ZNF131: variants seen among roughly 807,000 people sequenced by gnomAD.
ZNF131 encodes zinc finger protein 131.
In ZNF131, 7 loss-of-function variants were observed where a neutral mutation model predicts 60.0. That is an observed-to-expected ratio of 0.12 (90% confidence interval 0.07 to 0.22). ZNF131 has a LOEUF of 0.22. ZNF131 is among the 10% of genes least tolerant of loss of function. ZNF131 has a pLI of 1.00. For synonymous variants in ZNF131, 257 were observed against 253.2 expected (o/e 1.01, Z -0.14); for missense variants, 493 against 740.9 (o/e 0.67, Z 3.88).
intron 3 of ZNF131, chr5:43,123,899 CTAA>C (rs1468905759): frequency 6.6e-6 from 1 of 152,150 alleles, no homozygotes. Context: ...AGACATTTTT[CTAA>C]TAATAACCTG....
intron 3 of ZNF131, chr5:43,124,781 G>C (rs1210168953): frequency 6.6e-6 from 1 of 152,184 alleles, no homozygotes; most frequent in Non-Finnish European, 1.5e-5. Context: ...CATGCAGAGT[G>C]CATGGCATGA....
At position 43,175,113 on chromosome 5, in the gene ZNF131, G is replaced by C. The variant is rs1751441377; in HGVS notation, c.1852G>C (p.Ala618Pro). The C allele has an allele frequency of 6.2e-7, 1 of 1,602,136 alleles. No individual in the cohort carries two copies. Among genetic ancestry groups the C allele is most frequent in the Non-Finnish European group, 8.5e-7 (1 of 1,176,558 alleles). Reference sequence around the variant, plus strand: ...AAAGGCAGAGAATGAGGACAGAACAGCTCTGCCAGTTTTAGAATGAAATTA... The same window carrying C: ...AAAGGCAGAGAATGAGGACAGAACACCTCTGCCAGTTTTAGAATGAAATTA... Reference protein sequence around the residue: ...AEKAENEDRTALPVLE With the variant: ...AEKAENEDRTPLPVLE The change falls in exon 7 of 7, where the codon GCT (alanine) becomes CCT (proline). Residue 618 changes from alanine to proline, a missense_variant. This residue lies in a region of ZNF131 where 202 missense variants were observed against 221.3 expected (regional missense o/e 0.91). Coordinates refer to ENST00000682664, the MANE Select transcript of ZNF131 (RefSeq NM_001330707.2).
chr5:43,141,950 T>G (rs368865055), intron 4 of ZNF131, among the ~76,000 whole-genome samples: 4 of 152,264 alleles, frequency 2.6e-5, no homozygotes, highest in African/African-American at 9.6e-5. Flanking sequence ...ATGCAGTGTT[T>G]AAGCTTCTAC....
At chr5:43,163,584 A>G (rs1444926356) in intron 5 of ZNF131, among the ~76,000 whole-genome samples, 1 of 152,068 alleles carries the variant, frequency 6.6e-6, no homozygotes, top group Non-Finnish European at 1.5e-5. Flanking sequence ...TCCCCGAACA[A>G]CCTTTGCTGG....
chr5:43,124,611 G>C (rs1744275117), intron 3 of ZNF131: 1 of 152,136 alleles, frequency 6.6e-6, no homozygotes, highest in Admixed American at 6.5e-5. Context: ...TAACTGCCCA[G>C]ATGATAGTGG....
chr5:43,161,696 T>C lies in ZNF131; in HGVS notation c.819T>C (p.Phe273=), dbSNP rs767667295. 9.3e-6 allele frequency: 15 copies of C among 1,614,230 alleles called. No individual in the cohort carries two copies. Among genetic ancestry groups the C allele is most frequent in the Non-Finnish European group, 1.2e-5 (14 of 1,180,028 alleles). The change falls in exon 5 of 7, where the codon TTT becomes TTC. Residue 273 remains phenylalanine (F), a synonymous_variant. Transcript: ENST00000682664. ...AATGTAACCGTTCATTTAAATTGTT[T>C]TACCATTTTAAGGAGCACATGAAAT... The part of the protein sequence containing the change: ...CEKCNRSFKL[F]YHFKEHMKSH...
At chr5:43,154,245 C>G (rs936861224) in intron 4 of ZNF131, among the ~76,000 whole-genome samples, 1 of 152,058 alleles carries the variant, frequency 6.6e-6, no homozygotes, top group Non-Finnish European at 1.5e-5. Context: ...AATCCTGTCT[C>G]TACTAAAAAT....
At chr5:43,128,093 G>C (rs1408085945) in intron 3 of ZNF131, among the ~76,000 whole-genome samples, 1 of 152,198 alleles carries the variant, frequency 6.6e-6, no homozygotes, top group Non-Finnish European at 1.5e-5. Flanking sequence ...AAGCATTTCT[G>C]TCAGGGAGAA....
chr5:43,157,608 T>C (rs2111864557), intron 4 of ZNF131, among the ~76,000 whole-genome samples: 1 of 152,268 alleles, frequency 6.6e-6, no homozygotes. Context: ...ACCTTCCAAG[T>C]TTTGCTTCAT....
chr5:43,134,157 A>G (rs187852716), intron 3 of ZNF131, among the ~76,000 whole-genome samples: 1 of 152,340 alleles, frequency 6.6e-6, no homozygotes, highest in Admixed American at 6.5e-5. Context: ...TCTAACAGCA[A>G]GGTACAGGTG....
chr5:43,173,145 T>C, intron 5 of ZNF131, 173 bp from the exon 6 acceptor site: 1 of 569,294 alleles, frequency 1.8e-6, no homozygotes, highest in Non-Finnish European at 2.9e-6. Context: ...TTATTTTTGC[T>C]ACCTCTAGAA....
At chr5:43,159,145 G>T (rs544055050) in intron 4 of ZNF131, among the ~76,000 whole-genome samples, 1 of 152,258 alleles carries the variant, frequency 6.6e-6, no homozygotes, top group African/African-American at 2.4e-5. Context: ...TCCAGCTTAG[G>T]AATCTCAAAA....
chr5:43,165,264 TAG>T (rs1443632645), intron 5 of ZNF131, among the ~76,000 whole-genome samples: 1 of 152,092 alleles, frequency 6.6e-6, no homozygotes, highest in African/African-American at 2.4e-5. Flanking sequence ...TTCTAGAGGT[TAG>T]AAGTCCAAGA....
chr5:43,176,287 G>A lies in ZNF131; in HGVS notation c.*1154G>A, dbSNP rs888890390. On this transcript the variant is annotated 3_prime_UTR_variant, in exon 7 of 7. Coordinates refer to ENST00000682664, the MANE Select transcript of ZNF131 (RefSeq NM_001330707.2). ...TTTTTTTACCTGTTAAATATTGGGA[G>A]TTCTTTACATTTTTTAAGTAAACTT... The A allele has an allele frequency of 1.3e-5, 2 of 152,144 alleles. No individual in the cohort carries two copies. The highest frequency in any genetic ancestry group is 4.8e-5 in the African/African-American group (2 of 41,440). The allele number at this position is 152,144 out of a possible 1,614,324, so 9.4% of individuals were successfully genotyped here.
chr5:43,141,146 C>T (rs71627579), intron 4 of ZNF131, among the ~76,000 whole-genome samples: 14,803 of 152,068 alleles, frequency 0.097, 858 homozygotes, highest in East Asian at 0.19. Context: ...GAGCTTGATA[C>T]GTATATATAT....
intron 5 of ZNF131, among the ~76,000 whole-genome samples, chr5:43,166,436 C>T (rs1750359434): frequency 6.6e-6 from 1 of 151,820 alleles, no homozygotes; most frequent in Non-Finnish European, 1.5e-5. Flanking sequence ...TCTCGGCTCA[C>T]TGCAAGCTCT....
chr5:43,126,270 AT>A (rs1242537777), intron 3 of ZNF131, among the ~76,000 whole-genome samples: 7 of 152,146 alleles, frequency 4.6e-5, no homozygotes, highest in Non-Finnish European at 8.8e-5. Context: ...TCTGGAAAAT[AT>A]TTTTGGTTTT....
Position 43,174,681 on chromosome 5 carries a change from C to A in ZNF131, c.1420C>A (p.Gln474Lys), listed in dbSNP as rs1345488969. The change falls in exon 7 of 7, where the codon CAA (glutamine) becomes AAA (lysine). Residue 474 changes from glutamine to lysine, a missense_variant. Gln to Lys is a moderately conservative substitution (Grantham distance 53). Coordinates refer to ENST00000682664, the MANE Select transcript of ZNF131 (RefSeq NM_001330707.2). ...EPVTSMTIIE[Q>K]VGKVHVLPLL... The stretch of plus-strand genomic sequence containing the variant: ...TGTAACATCAATGACTATTATAGAA[C>A]AAGTTGGGAAGGTGCATGTGCTACC... The A allele has an allele frequency of 1.2e-6, 2 of 1,614,172 alleles. No individual in the cohort carries two copies. The highest frequency in any genetic ancestry group is 1.7e-6 in the Non-Finnish European group (2 of 1,180,034).
At chr5:43,153,786 C>G (rs74696991) in intron 4 of ZNF131, among the ~76,000 whole-genome samples, 22 of 152,084 alleles carry the variant, frequency 1.4e-4, no homozygotes, top group African/African-American at 5.1e-4. Context: ...CAGCTAAATT[C>G]AGTGATCAAA....
Sources: gnomAD v4.1 joint callset for allele counts (sites outside exome capture counted in the v4.1 genomes callset) on GRCh38, gnomAD v4.1.1 for gene constraint, gnomAD v4.1.1 regional missense constraint, MANE v1.5 for transcripts, NCBI Gene and HGNC (gene_info 2026-07-23, HGNC 2026-07-21) for gene names.